Variants in GRID2 observed in about 807,000 individuals in gnomAD.
The protein encoded by GRID2 is glutamate ionotropic receptor delta type subunit 2.
Under a neutral mutation model 114.8 loss-of-function variants are expected in GRID2, and 33 were observed. The ratio of observed to expected loss-of-function variants is 0.29; its 90% CI spans 0.22 to 0.38. GRID2 has a LOEUF of 0.38. GRID2 is among the 10% of genes least tolerant of loss of function. The pLI is 1.00. For missense variants in GRID2, 1,184 were observed against 1,257.7 expected (o/e 0.94, Z 0.89); for synonymous variants, 505 against 449.9 (o/e 1.12, Z -1.55).
intron 1 of GRID2, among the ~76,000 whole-genome samples, chr4:92,569,965 T>A (rs567029941): frequency 2.6e-5 from 4 of 152,124 alleles, no homozygotes; most frequent in Non-Finnish European, 5.9e-5. Context: ...TTAGTTTAAT[T>A]AGATCCCATC....
chr4:93,517,865 T>C (rs1455414397), intron 13 of GRID2, among the ~76,000 whole-genome samples: 1 of 151,066 alleles, frequency 6.6e-6, no homozygotes, highest in East Asian at 2.0e-4. Flanking sequence ...ACACTTCTTC[T>C]ATAATATCTT....
rs1451425399 is a variant in GRID2, at chr4:92,525,340, T to C, written c.89-64791T>C. On this transcript the variant is annotated intron_variant, in intron 1 of 15. Transcript: ENST00000282020. ...AGTGGTTAAAGAACAGTGGAAATGATGATCATTGAAGTGGAGGCAGTCAAG... is the reference window on the plus strand; with the variant it reads ...AGTGGTTAAAGAACAGTGGAAATGACGATCATTGAAGTGGAGGCAGTCAAG... Among the ~76,000 whole-genome samples the C allele has an allele frequency of 3.3e-5, 5 of 151,964 alleles. No individual in the cohort carries two copies. The East Asian group carries it at 9.7e-4, about 30-fold the overall frequency.
intron 14 of GRID2, among the ~76,000 whole-genome samples, chr4:93,645,777 T>A (rs1281163388): frequency 6.6e-6 from 1 of 152,204 alleles, no homozygotes; most frequent in Non-Finnish European, 1.5e-5. Flanking sequence ...GTACCACTGA[T>A]GTCACATTTT....
At chr4:93,132,130 T>A (rs1363550401) in intron 4 of GRID2, among the ~76,000 whole-genome samples, 1 of 152,148 alleles carries the variant, frequency 6.6e-6, no homozygotes, top group Non-Finnish European at 1.5e-5. Flanking sequence ...GAAATTAACA[T>A]AGCACAGTAT....
chr4:92,772,856 A>G (rs965770438), intron 2 of GRID2, among the ~76,000 whole-genome samples: 1 of 152,168 alleles, frequency 6.6e-6, no homozygotes, highest in Non-Finnish European at 1.5e-5. Context: ...TTATGCATAC[A>G]CATCAATTCT....
intron 2 of GRID2, among the ~76,000 whole-genome samples, chr4:93,049,221 A>C (rs548307990): frequency 1.3e-5 from 2 of 152,208 alleles, no homozygotes; most frequent in Admixed American, 6.6e-5. Flanking sequence ...ATAAGTTATG[A>C]ATTTCAAAAT....
intron 14 of GRID2, among the ~76,000 whole-genome samples, chr4:93,707,714 T>G (rs1008703132): frequency 1.6e-4 from 25 of 151,988 alleles, no homozygotes; most frequent in Admixed American, 1.6e-3. Context: ...CTTTATTATT[T>G]CTTTCCTCTT....
Position 92,940,395 on chromosome 4 carries a change from G to A in GRID2, c.245-144600G>A, listed in dbSNP as rs1024869090. On this transcript the variant is annotated intron_variant, in intron 2 of 15. Transcript: ENST00000282020. ...CTGTTATTGGTGTGTAAGAATGCTT[G>A]TGATTTTTTGTACATTGAGTTTGTA... Among the ~76,000 whole-genome samples, 32 of 90,744 alleles carry A rather than the reference G, an allele frequency of 3.5e-4. 2 individuals are homozygous for A. Among genetic ancestry groups the A allele is most frequent in the African/African-American group, 1.9e-3 (31 of 16,186 alleles). 59.5% of individuals were successfully genotyped at this position (90,744 alleles called of 152,430 possible).
chr4:92,381,404 T>C (rs1729612636), intron 1 of GRID2, among the ~76,000 whole-genome samples: 1 of 152,040 alleles, frequency 6.6e-6, no homozygotes. Context: ...CTAGTACTTG[T>C]AATTTCACTG....
At chr4:93,326,515 G>GAATAGAAGGAGAGTAAACTTCTCC (rs1333292283) in intron 8 of GRID2, among the ~76,000 whole-genome samples, 4 of 151,920 alleles carry the variant, frequency 2.6e-5, no homozygotes, top group African/African-American at 9.7e-5. Context: ...CTCCAATAGA[G>GAATAGAAGGAGAGTAAACTTCTCC]AATAGAAGGA....
At chr4:93,645,247 A>T (rs1350983906) in intron 14 of GRID2, among the ~76,000 whole-genome samples, 1 of 152,190 alleles carries the variant, frequency 6.6e-6, no homozygotes, top group East Asian at 1.9e-4. Flanking sequence ...CGGCTGAGAG[A>T]TCAAGAAGTC....
At chr4:93,382,296 T>A (rs1763927208) in intron 8 of GRID2, among the ~76,000 whole-genome samples, 1 of 152,064 alleles carries the variant, frequency 6.6e-6, no homozygotes, top group African/African-American at 2.4e-5. Context: ...TATTTGGGAG[T>A]TTTGGCCATT....
chr4:93,674,909 A>C (rs1176451809), intron 14 of GRID2, among the ~76,000 whole-genome samples: 1 of 152,158 alleles, frequency 6.6e-6, no homozygotes, highest in Non-Finnish European at 1.5e-5. Context: ...AGAAATACAG[A>C]TAAATAAGTA....
intron 2 of GRID2, among the ~76,000 whole-genome samples, chr4:92,704,591 T>C (rs17019804): frequency 0.16 from 24,698 of 152,132 alleles, 2,191 homozygotes; most frequent in East Asian, 0.34. Context: ...TATCATAGAA[T>C]GGATAACAGT....
At chr4:93,566,414 G>A (rs1488154915) in intron 13 of GRID2, among the ~76,000 whole-genome samples, 1 of 152,096 alleles carries the variant, frequency 6.6e-6, no homozygotes, top group Non-Finnish European at 1.5e-5. Context: ...GAAGGTTTTA[G>A]AGATGTGTAT....
At chr4:93,804,590 G>A (rs1242073073) in intron 1 of GRID2, among the ~76,000 whole-genome samples, 1 of 152,124 alleles carries the variant, frequency 6.6e-6, no homozygotes, top group East Asian at 1.9e-4. Flanking sequence ...ACATCCTTAT[G>A]CATCATGTGA....
At chr4:92,995,496 A>T (rs1338731384) in intron 2 of GRID2, among the ~76,000 whole-genome samples, 1 of 151,406 alleles carries the variant, frequency 6.6e-6, no homozygotes, top group East Asian at 1.9e-4. Context: ...AGAAAAAGAG[A>T]TATGGAATTT....
intron 8 of GRID2, among the ~76,000 whole-genome samples, chr4:93,350,924 G>C (rs930802819): frequency 6.6e-6 from 1 of 152,084 alleles, no homozygotes; most frequent in African/African-American, 2.4e-5. Flanking sequence ...ACATGGCTGG[G>C]GAGGACTCAC....
intron 1 of GRID2, among the ~76,000 whole-genome samples, chr4:92,370,525 C>T (rs555205451): frequency 6.6e-6 from 1 of 152,174 alleles, no homozygotes; most frequent in South Asian, 2.1e-4. Context: ...TGGTGGGTGC[C>T]TGTAGACCCA....
Sources: allele counts gnomAD v4.1 joint callset (sites outside exome capture counted in the v4.1 genomes callset), GRCh38; gene constraint gnomAD v4.1.1; transcripts MANE v1.5; gene names NCBI Gene and HGNC (gene_info 2026-07-23, HGNC 2026-07-21).